The following TRAF3IP2 variants were observed in gnomAD, a reference collection of about 807,000 sequenced individuals.
The protein encoded by TRAF3IP2 is E3 ubiquitin ligase TRAF3IP2.
TRAF3IP2 carries 35 observed loss-of-function variants against 57.9 expected under a neutral mutation model. The ratio of observed to expected loss-of-function variants is 0.60; its 90% CI spans 0.46 to 0.80. TRAF3IP2 has a LOEUF of 0.80. Ranked by LOEUF, TRAF3IP2 falls within the 30% of genes least tolerant of loss-of-function variation. The pLI, the probability that TRAF3IP2 is intolerant of heterozygous loss-of-function variation, is 0.00. For missense variants in TRAF3IP2, 556 were observed against 706.4 expected (o/e 0.79, Z 2.41); for synonymous variants, 251 against 268.9 (o/e 0.93, Z 0.65).
intron 8 of TRAF3IP2, among the ~76,000 whole-genome samples, chr6:111,560,669 C>T (rs1029413699): frequency 6.6e-6 from 1 of 152,130 alleles, no homozygotes; most frequent in African/African-American, 2.4e-5. Flanking sequence ...GTGGTGAGAG[C>T]GGCCTGTGCT....
At chr6:111,566,344 A>T in intron 7 of TRAF3IP2, 100 bp downstream of exon 7, 1 of 953,878 alleles carries the variant, frequency 1.0e-6, no homozygotes, top group Non-Finnish European at 1.7e-6. Flanking sequence ...ACCCAGCATC[A>T]TGCTGCCTTC....
chr6:111,587,654 C>A (rs1468734745), intron 2 of TRAF3IP2, among the ~76,000 whole-genome samples: 11 of 152,162 alleles, frequency 7.2e-5, no homozygotes, highest in Non-Finnish European at 1.6e-4. Flanking sequence ...AAGATCACCA[C>A]TAGATCCTTC....
intron 3 of TRAF3IP2, chr6:111,576,907 G>C (rs1796009278): frequency 2.0e-5 from 3 of 152,024 alleles, no homozygotes; most frequent in Non-Finnish European, 4.4e-5. Context: ...CTATGTATAT[G>C]CCCAGTTTTT....
At chr6:111,588,674 C>T (rs948506113) in intron 2 of TRAF3IP2, among the ~76,000 whole-genome samples, 4 of 152,132 alleles carry the variant, frequency 2.6e-5, no homozygotes, top group Admixed American at 6.5e-5. Flanking sequence ...CACAGTTCTT[C>T]GCATTAATCT....
intron 5 of TRAF3IP2, among the ~76,000 whole-genome samples, chr6:111,571,784 T>C (rs2128373805): frequency 6.6e-6 from 1 of 151,744 alleles, no homozygotes; most frequent in Middle Eastern, 3.4e-3. Flanking sequence ...CACAAAAAAA[T>C]TAGCTGGGCA....
intron 3 of TRAF3IP2, 132 bp downstream of exon 3, chr6:111,580,065 G>C (rs1796107651): frequency 9.7e-7 from 1 of 1,028,036 alleles, no homozygotes; most frequent in Non-Finnish European, 1.4e-6. Flanking sequence ...GTCTATATTG[G>C]GCATTCCACT....
At chr6:111,595,436 C>T (rs1465995884) in intron 1 of TRAF3IP2, among the ~76,000 whole-genome samples, 1 of 152,164 alleles carries the variant, frequency 6.6e-6, no homozygotes, top group Non-Finnish European at 1.5e-5. Flanking sequence ...ACTATGTGTC[C>T]AACTCAATGC....
chr6:111,584,298 G>T (rs1796261970), intron 2 of TRAF3IP2, among the ~76,000 whole-genome samples: 1 of 152,212 alleles, frequency 6.6e-6, no homozygotes, highest in African/African-American at 2.4e-5. Flanking sequence ...GCCACCTGTG[G>T]TAAAAAGTTA....
At chr6:111,583,929 TA>T (rs1344402803) in intron 2 of TRAF3IP2, among the ~76,000 whole-genome samples, 2 of 152,062 alleles carry the variant, frequency 1.3e-5, no homozygotes, top group South Asian at 2.1e-4. Flanking sequence ...AAACACAAGG[TA>T]AAAGAGGAGA....
rs1039287020 is a variant in TRAF3IP2, at chr6:111,556,143, C to T, written c.*3262G>A. Among the ~76,000 whole-genome samples, 13 of 150,338 alleles carry T rather than the reference C, an allele frequency of 8.6e-5. No individual in the cohort carries two copies. Among genetic ancestry groups the T allele is most frequent in the African/African-American group, 2.2e-4 (9 of 40,894 alleles). ...AAAATGCTTTGATGTTGGTGGTCAT[C>T]GGATCTCATAGAAATTTCAGGGGCC... On this transcript the variant is annotated 3_prime_UTR_variant, in exon 9 of 9. Coordinates refer to ENST00000368761, the MANE Select transcript of TRAF3IP2 (RefSeq NM_147686.4).
chr6:111,567,576 T>A, intron 6 of TRAF3IP2, 48 bp downstream of exon 6: 2 of 1,567,440 alleles, frequency 1.3e-6, no homozygotes, highest in South Asian at 1.2e-5. Context: ...CATAAGCTCA[T>A]TGTCTTTCTC....
In TRAF3IP2 at chr6:111,562,212, A is replaced by G. The variant is rs549109859; in HGVS notation, c.1551+753T>C. ...TTCTGGTGTGAAAAGCCTCATATGA[A>G]TCACGGCAAAGTTCACTCAGGTAAC... On this transcript the variant is annotated intron_variant, in intron 8 of 8. Transcript: ENST00000368761. Among the ~76,000 whole-genome samples, 8 of 152,320 alleles carry G rather than the reference A, an allele frequency of 5.3e-5. No individual in the cohort carries two copies. The East Asian group carries it at 1.5e-3, about 29-fold the overall frequency.
chr6:111,555,774 T>TA lies in TRAF3IP2; in HGVS notation c.*3630dup, dbSNP rs1482743278. 2.0e-5 allele frequency among the ~76,000 whole-genome samples: 3 copies of TA among 152,300 alleles called. No individual in the cohort carries two copies. In the East Asian group the frequency reaches 5.8e-4, roughly 29 times the overall value. On this transcript the variant is annotated 3_prime_UTR_variant, in exon 9 of 9. Transcript: ENST00000368761. ...CATAACATCTAAATCAACCGAGTGTTAATCTTATTGTCAGTGCTCTCAAAT... is the reference window on the plus strand; with the variant it reads ...CATAACATCTAAATCAACCGAGTGTTAAATCTTATTGTCAGTGCTCTCAAAT...
At chr6:111,583,489 A>G (rs1378008753) in intron 2 of TRAF3IP2, among the ~76,000 whole-genome samples, 1 of 152,172 alleles carries the variant, frequency 6.6e-6, no homozygotes, top group African/African-American at 2.4e-5. Flanking sequence ...TCAGATCAGC[A>G]GCAGATTCTC....
chr6:111,595,272 T>C (rs903588569), intron 1 of TRAF3IP2, among the ~76,000 whole-genome samples: 4 of 152,184 alleles, frequency 2.6e-5, no homozygotes, highest in African/African-American at 9.7e-5. Context: ...AAGGAACACA[T>C]GGCTTTTGAG....
chr6:111,566,322 C>G, intron 7 of TRAF3IP2, 122 bp downstream of exon 7: 1 of 795,934 alleles, frequency 1.3e-6, no homozygotes, highest in Non-Finnish European at 2.1e-6. Context: ...CATGGCAAGC[C>G]TGGAGCTCTT....
chr6:111,601,097 A>G, intron 1 of TRAF3IP2: 4 of 647,446 alleles, frequency 6.2e-6, no homozygotes, highest in Admixed American at 2.2e-5. Flanking sequence ...CTCGGTTGGG[A>G]GCACTGACTG....
intron 8 of TRAF3IP2, 35 bp from the exon 9 acceptor site, chr6:111,559,586 T>TA: frequency 6.2e-7 from 1 of 1,603,936 alleles, no homozygotes; most frequent in Non-Finnish European, 8.5e-7. Flanking sequence ...CAAAGGTCAT[T>TA]AGAGAAAAAC....
At chr6:111,580,172 T>C in intron 3 of TRAF3IP2, 25 bp downstream of exon 3, 1 of 1,609,940 alleles carries the variant, frequency 6.2e-7, no homozygotes, top group East Asian at 2.2e-5. Context: ...TAAAAATGCC[T>C]GAAGGTTGGG....
Sources: allele counts gnomAD v4.1 joint callset (sites outside exome capture counted in the v4.1 genomes callset), GRCh38; gene constraint gnomAD v4.1.1; transcripts MANE v1.5; gene names NCBI Gene and HGNC (gene_info 2026-07-23, HGNC 2026-07-21).